The following SNAPC3 variants were observed in gnomAD, a reference collection of about 807,000 sequenced individuals.
The protein encoded by SNAPC3 is snRNA-activating protein complex subunit 3.
In SNAPC3, 56 loss-of-function variants were observed where a neutral mutation model predicts 47.7. That is an observed-to-expected ratio of 1.18 (90% CI 0.95 to 1.47). The LOEUF is 1.47. Ranked by LOEUF, SNAPC3 falls within the 40% of genes most tolerant of loss-of-function variation. The pLI is 0.00. For synonymous variants in SNAPC3, 235 were observed against 189.9 expected, an observed-to-expected ratio of 1.24 and a Z score of -1.95; for missense variants, 665 against 511.3, an observed-to-expected ratio of 1.30 and a Z score of -2.90.
chr9:15,431,534 C>G (rs2032146779), intron 2 of SNAPC3, among the ~76,000 whole-genome samples: 1 of 148,116 alleles, frequency 6.8e-6, no homozygotes, highest in South Asian at 2.1e-4. Flanking sequence ...AGAGTATACA[C>G]AAATATCTGT....
intron 3 of SNAPC3, among the ~76,000 whole-genome samples, chr9:15,437,933 T>G (rs2032983648): frequency 6.6e-6 from 1 of 152,230 alleles, no homozygotes; most frequent in African/African-American, 2.4e-5. Flanking sequence ...AAAGGGATAT[T>G]GGCCTGTAGT....
chr9:15,433,181 T>C (rs1359388155), intron 2 of SNAPC3, among the ~76,000 whole-genome samples: 1 of 149,766 alleles, frequency 6.7e-6, no homozygotes, highest in Non-Finnish European at 1.5e-5. Flanking sequence ...TCGTGAAAGA[T>C]AAGGAGAGAC....
downstream of SNAPC3, chr9:15,465,365 GTTTAC>G (rs577439536): frequency 1.2e-4 from 77 of 636,458 alleles, no homozygotes; most frequent in East Asian, 6.4e-4. Flanking sequence ...TAGCGATAAT[GTTTAC>G]TTTACTTTAA....
intron 3 of SNAPC3, among the ~76,000 whole-genome samples, chr9:15,435,501 A>G (rs926334167): frequency 2.0e-5 from 3 of 151,718 alleles, no homozygotes; most frequent in Admixed American, 2.0e-4. Context: ...TGAACCTGGG[A>G]GGTGGAGGTT....
At chr9:15,452,264 A>G (rs2034446217) in intron 6 of SNAPC3, among the ~76,000 whole-genome samples, 1 of 149,124 alleles carries the variant, frequency 6.7e-6, no homozygotes, top group Non-Finnish European at 1.5e-5. Context: ...TGCCCAGCAT[A>G]TTGTAGCCAT....
At chr9:15,466,696 A>G, downstream of SNAPC3, 8 of 1,368,072 alleles carry the variant, frequency 5.8e-6, no homozygotes, top group Non-Finnish European at 8.1e-6. Context: ...AACTGTGATT[A>G]AAAACCTGAA....
At chr9:15,450,778 C>T (rs2131919249) in intron 5 of SNAPC3, among the ~76,000 whole-genome samples, 1 of 152,130 alleles carries the variant, frequency 6.6e-6, no homozygotes, top group East Asian at 1.9e-4. Context: ...GGATTGAGAG[C>T]CACTCCTTTG....
intron 7 of SNAPC3, among the ~76,000 whole-genome samples, chr9:15,456,800 G>GTTA (rs2034832843): frequency 6.6e-6 from 1 of 152,138 alleles, no homozygotes; most frequent in African/African-American, 2.4e-5. Flanking sequence ...CATTTATTAA[G>GTTA]AGTATGCAAT....
At chr9:15,463,747 C>T (rs1042299084), downstream of SNAPC3, 1 of 152,126 alleles carries the variant, frequency 6.6e-6, no homozygotes, top group South Asian at 2.1e-4. Flanking sequence ...AGCGAACATA[C>T]ATCAACTAGT....
At chr9:15,446,727 A>G (rs187553985) in intron 4 of SNAPC3, among the ~76,000 whole-genome samples, 150 of 152,320 alleles carry the variant, frequency 9.8e-4, no homozygotes, top group Non-Finnish European at 1.6e-3. Flanking sequence ...AAGGTAGGGA[A>G]GAGTAAACAG....
chr9:15,437,756 A>C (rs2032966902), intron 3 of SNAPC3, among the ~76,000 whole-genome samples: 1 of 152,086 alleles, frequency 6.6e-6, no homozygotes. Context: ...AAAAATTGTA[A>C]TCATAAAAAG....
chr9:15,423,656 C>CTTA (rs1258513849), intron 1 of SNAPC3, among the ~76,000 whole-genome samples: 1 of 152,134 alleles, frequency 6.6e-6, no homozygotes, highest in Non-Finnish European at 1.5e-5. Flanking sequence ...TTAAAAGTGC[C>CTTA]TTATTTGGGG....
chr9:15,445,720 G>A (rs1459929960), intron 4 of SNAPC3, among the ~76,000 whole-genome samples: 1 of 152,116 alleles, frequency 6.6e-6, no homozygotes, highest in Non-Finnish European at 1.5e-5. Context: ...AGGCTGAGGT[G>A]GGCTGATCAC....
At chr9:15,436,847 A>G (rs2032857107) in intron 3 of SNAPC3, among the ~76,000 whole-genome samples, 2 of 142,158 alleles carry the variant, frequency 1.4e-5, no homozygotes. Context: ...TTTTGAGACG[A>G]AGTTTTGCTC....
At chr9:15,445,049 G>A (rs979713948) in intron 4 of SNAPC3, among the ~76,000 whole-genome samples, 5 of 152,154 alleles carry the variant, frequency 3.3e-5, no homozygotes, top group Admixed American at 2.6e-4. Context: ...AGCTATGATT[G>A]CACCACTGAA....
intron 3 of SNAPC3, among the ~76,000 whole-genome samples, chr9:15,440,302 C>T (rs2033209342): frequency 1.3e-5 from 2 of 152,140 alleles, no homozygotes; most frequent in African/African-American, 4.8e-5. Context: ...CTTCAATTTA[C>T]TGTCTAGTGT....
downstream of SNAPC3, chr9:15,464,535 T>C (rs1284466533): frequency 1.5e-5 from 3 of 200,466 alleles, no homozygotes; most frequent in Non-Finnish European, 1.0e-5. Context: ...AGTGTTTGTA[T>C]TTTTGGAATC....
chr9:15,436,423 G>C (rs1488947855), intron 3 of SNAPC3, among the ~76,000 whole-genome samples: 1 of 152,160 alleles, frequency 6.6e-6, no homozygotes, highest in Admixed American at 6.5e-5. Context: ...TTTGCAGACT[G>C]TCCTTTCCCT....
intron 5 of SNAPC3, among the ~76,000 whole-genome samples, chr9:15,449,563 A>ATATATATATAT (rs1481688749): frequency 2.5e-5 from 1 of 39,524 alleles, no homozygotes; most frequent in African/African-American, 1.1e-4. Flanking sequence ...ATATATATAT[A>ATATATATATAT]TTTTTTTTTT....
Sources: gnomAD v4.1 joint callset for allele counts (sites outside exome capture counted in the v4.1 genomes callset) on GRCh38, gnomAD v4.1.1 for gene constraint, MANE v1.5 for transcripts, NCBI Gene and HGNC (gene_info 2026-07-23, HGNC 2026-07-21) for gene names.